TMEM163: variants seen among roughly 807,000 people sequenced by gnomAD.
TMEM163 encodes transmembrane protein 163.
Under a neutral mutation model 29.3 loss-of-function variants are expected in TMEM163, and 17 were observed. The ratio of observed to expected loss-of-function variants is 0.58; its 90% confidence interval spans 0.40 to 0.87. The LOEUF (loss-of-function observed/expected upper bound fraction) is 0.87, where lower values mean the gene tolerates loss of function less well. TMEM163 is among the 40% of genes least tolerant of loss of function. The pLI is 0.00. For synonymous variants in TMEM163, 157 were observed against 160.6 expected (o/e 0.98, Z 0.17); for missense variants, 303 against 381.5 (o/e 0.79, Z 1.71).
intron 5 of TMEM163, among the ~76,000 whole-genome samples, chr2:134,498,213 C>T (rs568925271): frequency 1.6e-4 from 25 of 152,250 alleles, no homozygotes; most frequent in African/African-American, 6.0e-4. Context: ...TGGACAGATG[C>T]GGCCACGCCC....
At chr2:134,710,073 A>G (rs1180774201) in intron 2 of TMEM163, among the ~76,000 whole-genome samples, 3 of 152,220 alleles carry the variant, frequency 2.0e-5, no homozygotes, top group Non-Finnish European at 4.4e-5. Context: ...ATCAATATAC[A>G]TCTTACAAAT....
At chr2:134,697,983 G>C (rs1684617853) in intron 2 of TMEM163, among the ~76,000 whole-genome samples, 1 of 152,182 alleles carries the variant, frequency 6.6e-6, no homozygotes, top group South Asian at 2.1e-4. Flanking sequence ...GCATGAGATT[G>C]GGATTATCTG....
intron 5 of TMEM163, among the ~76,000 whole-genome samples, chr2:134,498,345 G>A (rs903728478): frequency 4.3e-4 from 63 of 146,458 alleles, no homozygotes; most frequent in African/African-American, 1.6e-3. Flanking sequence ...TGGTGCACTT[G>A]CATGTGGGCT....
chr2:134,659,808 G>A (rs1290411920), intron 2 of TMEM163, among the ~76,000 whole-genome samples: 2 of 152,028 alleles, frequency 1.3e-5, no homozygotes, highest in Non-Finnish European at 2.9e-5. Flanking sequence ...GCTGGGGGTG[G>A]TGGTGTGAGC....
chr2:134,544,729 A>G (rs745744676), intron 4 of TMEM163, among the ~76,000 whole-genome samples: 6 of 152,196 alleles, frequency 3.9e-5, no homozygotes, highest in Admixed American at 1.3e-4. Context: ...GGGGAGGCAG[A>G]GGTTGCAGTG....
chr2:134,590,121 CT>C (rs35314489), intron 2 of TMEM163, among the ~76,000 whole-genome samples: 52,870 of 147,762 alleles, frequency 0.36, 10,609 homozygotes, highest in East Asian at 0.77. Context: ...CCAACTGATT[CT>C]TTTTTTTTTT....
At chr2:134,708,540 G>C (rs1206371915) in intron 2 of TMEM163, among the ~76,000 whole-genome samples, 2 of 151,342 alleles carry the variant, frequency 1.3e-5, no homozygotes, top group Admixed American at 6.6e-5. Flanking sequence ...TAAATCTACA[G>C]CTGCACCTAA....
intron 2 of TMEM163, among the ~76,000 whole-genome samples, chr2:134,707,240 C>CTAA (rs1684834973): frequency 6.6e-6 from 1 of 152,154 alleles, no homozygotes; most frequent in Non-Finnish European, 1.5e-5. Context: ...CAGGAGCTTG[C>CTAA]GAAGAGGCCC....
At chr2:134,502,215 T>G (rs994698145) in intron 5 of TMEM163, among the ~76,000 whole-genome samples, 1 of 152,204 alleles carries the variant, frequency 6.6e-6, no homozygotes, top group Admixed American at 6.5e-5. Context: ...CATTCAAATT[T>G]CCATTGCAAC....
chr2:134,521,668 C>A (rs542863795), intron 4 of TMEM163, among the ~76,000 whole-genome samples: 323 of 152,314 alleles, frequency 2.1e-3, no homozygotes, highest in African/African-American at 7.0e-3. Context: ...ATGTGGACTG[C>A]CAGCTAACAG....
At chr2:134,547,271 C>T (rs1300172984) in intron 4 of TMEM163, among the ~76,000 whole-genome samples, 3 of 152,188 alleles carry the variant, frequency 2.0e-5, no homozygotes, top group Non-Finnish European at 2.9e-5. Flanking sequence ...GGGCTAGGTA[C>T]GCTCTGGTGG....
At chr2:134,510,273 T>C (rs1679917610) in intron 4 of TMEM163, among the ~76,000 whole-genome samples, 1 of 152,124 alleles carries the variant, frequency 6.6e-6, no homozygotes, top group South Asian at 2.1e-4. Flanking sequence ...ATTAAGTTCA[T>C]AAAAGGATAG....
intron 2 of TMEM163, among the ~76,000 whole-genome samples, chr2:134,583,641 G>A (rs1681746465): frequency 6.6e-6 from 1 of 152,178 alleles, no homozygotes; most frequent in South Asian, 2.1e-4. Flanking sequence ...CATCCATGCA[G>A]CTACTGTCAG....
intron 2 of TMEM163, among the ~76,000 whole-genome samples, chr2:134,639,553 A>G (rs993950682): frequency 1.3e-5 from 2 of 152,226 alleles, no homozygotes; most frequent in African/African-American, 4.8e-5. Context: ...GAAGCTTCTA[A>G]CAAAGAGGCT....
At chr2:134,634,135 G>T (rs1683050893) in intron 2 of TMEM163, among the ~76,000 whole-genome samples, 1 of 151,622 alleles carries the variant, frequency 6.6e-6, no homozygotes, top group South Asian at 2.1e-4. Flanking sequence ...GGCAGCAAAA[G>T]TTCAAGTATG....
At chr2:134,712,535 T>C (rs1684948222) in intron 2 of TMEM163, among the ~76,000 whole-genome samples, 1 of 151,672 alleles carries the variant, frequency 6.6e-6, no homozygotes, top group African/African-American at 2.4e-5. Flanking sequence ...GGCTTGTGAG[T>C]CATTGCACAA....
At chr2:134,463,931 T>C (rs1446315826) in intron 6 of TMEM163, among the ~76,000 whole-genome samples, 5 of 152,170 alleles carry the variant, frequency 3.3e-5, no homozygotes, top group African/African-American at 9.7e-5. Context: ...CAGGGCTTCA[T>C]CTGGAGCTTG....
At chr2:134,503,044 T>C (rs1311215652) in intron 4 of TMEM163, 47 bp from the exon 5 acceptor site, 1 of 1,515,520 alleles carries the variant, frequency 6.6e-7, no homozygotes, top group Non-Finnish European at 9.1e-7. Flanking sequence ...GAACTCACAC[T>C]GCTGAAGAGT....
At chr2:134,576,679 G>A (rs1423734492) in intron 2 of TMEM163, among the ~76,000 whole-genome samples, 1 of 152,176 alleles carries the variant, frequency 6.6e-6, no homozygotes, top group Non-Finnish European at 1.5e-5. Context: ...AGGGCCAGCA[G>A]GGGTCATACC....
Sources: gnomAD v4.1 joint callset for allele counts (sites outside exome capture counted in the v4.1 genomes callset) on GRCh38, gnomAD v4.1.1 for gene constraint, MANE v1.5 for transcripts, NCBI Gene and HGNC (gene_info 2026-07-23, HGNC 2026-07-21) for gene names.